NELL2: variants seen among roughly 807,000 people sequenced by gnomAD.
NELL2 encodes neural EGFL like 2, also known as protein kinase C-binding protein NELL2.
In NELL2, 41 loss-of-function variants were observed where a neutral mutation model predicts 109.6. The ratio of observed to expected loss-of-function variants is 0.37; its 90% CI spans 0.29 to 0.49. NELL2 has a LOEUF of 0.49. Ranked by LOEUF, NELL2 falls within the 20% of genes least tolerant of loss-of-function variation. NELL2 has a pLI of 0.98. For missense variants in NELL2, 900 were observed against 1,008.3 expected, an observed-to-expected ratio of 0.89 and a Z score of 1.45; for synonymous variants, 355 against 344.7, an observed-to-expected ratio of 1.03 and a Z score of -0.33.
At chr12:44,532,375 G>A (rs1386069691) in intron 16 of NELL2, 1 of 384,668 alleles carries the variant, frequency 2.6e-6, no homozygotes, top group African/African-American at 2.1e-5. Context: ...AACTGGGTTA[G>A]TGTCACAAAC....
chr12:44,769,742 G>A (rs1236224118), intron 9 of NELL2, among the ~76,000 whole-genome samples: 1 of 152,088 alleles, frequency 6.6e-6, no homozygotes, highest in Non-Finnish European at 1.5e-5. Flanking sequence ...CTGAATTGTG[G>A]TACATAAACA....
At chr12:44,699,998 T>G (rs1482058319) in intron 12 of NELL2, among the ~76,000 whole-genome samples, 1 of 152,144 alleles carries the variant, frequency 6.6e-6, no homozygotes, top group Non-Finnish European at 1.5e-5. Flanking sequence ...CTTCCCTTAA[T>G]GCCAAATTGA....
chr12:44,776,296 C>T (rs1393981841), intron 7 of NELL2, 146 bp from the exon 8 acceptor site: 10 of 686,724 alleles, frequency 1.5e-5, no homozygotes, highest in Non-Finnish European at 2.2e-5. Flanking sequence ...ATATTTAAGA[C>T]TTTAATTTAA....
intron 13 of NELL2, among the ~76,000 whole-genome samples, chr12:44,639,276 T>A (rs963372843): frequency 7.2e-5 from 11 of 152,122 alleles, no homozygotes; most frequent in African/African-American, 2.7e-4. Context: ...GATATGATTG[T>A]AAATAATGAC....
intron 14 of NELL2, 95 bp downstream of exon 14, chr12:44,610,753 G>A: frequency 6.5e-7 from 1 of 1,526,974 alleles, no homozygotes; most frequent in Non-Finnish European, 9.0e-7. Flanking sequence ...GGAAGTACCT[G>A]GAATGTACAT....
chr12:44,815,642 G>A (rs899796665), intron 3 of NELL2, among the ~76,000 whole-genome samples: 5 of 152,162 alleles, frequency 3.3e-5, no homozygotes, highest in Non-Finnish European at 7.3e-5. Context: ...TTGTTGAGAC[G>A]GAGTCTCGCT....
upstream of NELL2, among the ~76,000 whole-genome samples, chr12:44,918,612 C>T (rs1440985429): frequency 6.6e-6 from 1 of 151,350 alleles, no homozygotes; most frequent in Admixed American, 6.6e-5. Context: ...TAATTTTCCT[C>T]TTTCCATATT....
chr12:44,908,266 A>T (rs1005096289), intron 1 of NELL2, among the ~76,000 whole-genome samples: 1 of 152,056 alleles, frequency 6.6e-6, no homozygotes, highest in Non-Finnish European at 1.5e-5. Context: ...AACCAATCTT[A>T]TGATTTCATT....
intron 9 of NELL2, among the ~76,000 whole-genome samples, chr12:44,753,068 A>G (rs938277096): frequency 2.0e-5 from 3 of 152,216 alleles, no homozygotes; most frequent in Middle Eastern, 6.8e-3. Flanking sequence ...AATCAAGCAC[A>G]TGCCTGCCCT....
chr12:44,808,690 C>G (rs1943081032), intron 3 of NELL2, among the ~76,000 whole-genome samples: 1 of 151,808 alleles, frequency 6.6e-6, no homozygotes, highest in African/African-American at 2.4e-5. Flanking sequence ...TTTTTTAGTT[C>G]AGAACCATTA....
At chr12:44,557,753 T>G (rs536458906) in intron 15 of NELL2, among the ~76,000 whole-genome samples, 1 of 151,966 alleles carries the variant, frequency 6.6e-6, no homozygotes, top group African/African-American at 2.4e-5. Context: ...AAAAATGAAA[T>G]GAAGCCATGG....
chr12:44,636,041 T>C (rs1006688441), intron 13 of NELL2, among the ~76,000 whole-genome samples: 1 of 152,110 alleles, frequency 6.6e-6, no homozygotes, highest in Non-Finnish European at 1.5e-5. Flanking sequence ...ATTCTCTTTG[T>C]AGCAATTGTG....
In NELL2 at chr12:44,528,051, T is replaced by A. The variant is rs558718693; in HGVS notation, c.1804+4530A>T. ...GGAGCTTGCTTGCAGTGAGCCGAGA[T>A]CGCCTCACTGCACTCCAGCCTGGGC... On this transcript the variant is annotated intron_variant, in intron 16 of 19. Transcript: ENST00000429094. Among the ~76,000 whole-genome samples the A allele has an allele frequency of 2.5e-5, 3 of 121,418 alleles. No homozygotes were observed. The South Asian group carries it at 8.1e-4, about 33-fold the overall frequency. The allele number at this position is 121,418 out of a possible 152,430, so 79.7% of individuals were successfully genotyped here.
At chr12:44,868,189 G>T (rs1019911215) in intron 2 of NELL2, among the ~76,000 whole-genome samples, 3 of 150,004 alleles carry the variant, frequency 2.0e-5, no homozygotes, top group African/African-American at 7.3e-5. Context: ...CATTTACAAT[G>T]GCTATGAAAA....
At position 44,551,648 on chromosome 12, in the gene NELL2, A is replaced by G. The variant is rs562122528; in HGVS notation, c.1664-18927T>C. On this transcript the variant is annotated intron_variant, in intron 15 of 19. Coordinates refer to ENST00000429094, the MANE Select transcript of NELL2 (RefSeq NM_001145108.2). ...AATAGCAACAAAAACTGGAAAACTC[A>G]TAGAATTCTAAGTGGGTATAATGGT... 1.6e-4 allele frequency among the ~76,000 whole-genome samples: 24 copies of G among 152,236 alleles called. 1 individual carries two copies. The South Asian group carries it at 5.0e-3, about 32-fold the overall frequency.
intron 12 of NELL2, among the ~76,000 whole-genome samples, chr12:44,691,722 A>T (rs1327088948): frequency 6.6e-6 from 1 of 152,186 alleles, no homozygotes; most frequent in Admixed American, 6.5e-5. Context: ...GGTCTTATTG[A>T]TGACATGGAG....
chr12:44,546,104 T>A (rs1347965827), intron 15 of NELL2, among the ~76,000 whole-genome samples: 1 of 152,142 alleles, frequency 6.6e-6, no homozygotes, highest in Non-Finnish European at 1.5e-5. Context: ...TTGAATGGTA[T>A]GCCAGGAATG....
intron 15 of NELL2, among the ~76,000 whole-genome samples, chr12:44,602,140 G>A (rs1404677476): frequency 1.3e-5 from 2 of 151,654 alleles, no homozygotes. Flanking sequence ...AGAATCATTG[G>A]TATCTACACC....
intron 11 of NELL2, among the ~76,000 whole-genome samples, chr12:44,704,334 T>A (rs1937733740): frequency 8.0e-6 from 1 of 125,530 alleles, no homozygotes; most frequent in South Asian, 2.6e-4. Context: ...AAACAAAACC[T>A]TTCTAAATGT....
Sources: allele counts gnomAD v4.1 joint callset (sites outside exome capture counted in the v4.1 genomes callset), GRCh38; gene constraint gnomAD v4.1.1; transcripts MANE v1.5; gene names NCBI Gene and HGNC (gene_info 2026-07-23, HGNC 2026-07-21).